The following CALN1 variants were observed in gnomAD, a reference collection of about 807,000 sequenced individuals.
CALN1 encodes calneuron 1.
CALN1 carries 17 observed loss-of-function variants against 30.6 expected under a neutral mutation model. The observed-to-expected ratio is 0.56, with a 90% CI of 0.38 to 0.83. The LOEUF (loss-of-function observed/expected upper bound fraction) is 0.83. Ranked by LOEUF, CALN1 falls within the 40% of genes least tolerant of loss-of-function variation. CALN1 has a pLI of 0.00. For missense variants in CALN1, 291 were observed against 354.9 expected, an observed-to-expected ratio of 0.82 and a Z score of 1.45; for synonymous variants, 156 against 131.4, an observed-to-expected ratio of 1.19 and a Z score of -1.28.
intron 5 of CALN1, among the ~76,000 whole-genome samples, chr7:71,954,055 G>A (rs750596974): frequency 7.2e-5 from 11 of 152,214 alleles, no homozygotes; most frequent in Non-Finnish European, 1.5e-4. Context: ...TGGGCACAGT[G>A]GCCCACGCCT....
chr7:72,364,143 G>A (rs1303546437), intron 2 of CALN1, among the ~76,000 whole-genome samples: 1 of 151,786 alleles, frequency 6.6e-6, no homozygotes. Context: ...TTGAACAAAA[G>A]AAAACTTCAG....
chr7:72,208,752 A>T (rs1792081450), intron 3 of CALN1, among the ~76,000 whole-genome samples: 1 of 152,214 alleles, frequency 6.6e-6, no homozygotes, highest in African/African-American at 2.4e-5. Flanking sequence ...AATGTCACAA[A>T]TGTAATGTTG....
At chr7:72,332,932 C>T (rs941346822) in intron 2 of CALN1, among the ~76,000 whole-genome samples, 2 of 152,130 alleles carry the variant, frequency 1.3e-5, no homozygotes, top group Non-Finnish European at 2.9e-5. Flanking sequence ...ACGAAGTCTC[C>T]AGCCACAACT....
chr7:72,248,114 T>A (rs1272777885), intron 3 of CALN1, among the ~76,000 whole-genome samples: 1 of 152,180 alleles, frequency 6.6e-6, no homozygotes, highest in Non-Finnish European at 1.5e-5. Flanking sequence ...GGATAATCTA[T>A]TTGCCTTTTT....
At chr7:71,971,930 C>CAAAAAAA (rs764756514) in intron 5 of CALN1, among the ~76,000 whole-genome samples, 3 of 38,552 alleles carry the variant, frequency 7.8e-5, no homozygotes, top group Admixed American at 4.0e-4. Context: ...GACCCTGTCT[C>CAAAAAAA]AAAAAAAAAA....
At chr7:72,292,014 AAG>A (rs1412690833) in intron 2 of CALN1, among the ~76,000 whole-genome samples, 1 of 151,622 alleles carries the variant, frequency 6.6e-6, no homozygotes, top group Non-Finnish European at 1.5e-5. Context: ...AAAAAAAAAA[AAG>A]AATTTCAACA....
At chr7:72,047,370 G>A (rs1802536571) in intron 4 of CALN1, among the ~76,000 whole-genome samples, 1 of 152,058 alleles carries the variant, frequency 6.6e-6, no homozygotes, top group South Asian at 2.1e-4. Context: ...AGATCGAGGT[G>A]AGAGGCTGGG....
At chr7:72,307,211 G>A (rs1182822204) in intron 2 of CALN1, among the ~76,000 whole-genome samples, 1 of 152,094 alleles carries the variant, frequency 6.6e-6, no homozygotes. Flanking sequence ...GCTTCATTTT[G>A]GCCAATTAAC....
chr7:72,287,164 G>A (rs1206609489), intron 2 of CALN1, among the ~76,000 whole-genome samples: 1 of 152,012 alleles, frequency 6.6e-6, no homozygotes, highest in African/African-American at 2.4e-5. Flanking sequence ...ATTTTTTAAA[G>A]AAATAACATA....
At chr7:72,219,490 A>G (rs993453510) in intron 3 of CALN1, among the ~76,000 whole-genome samples, 5 of 152,122 alleles carry the variant, frequency 3.3e-5, no homozygotes, top group East Asian at 3.9e-4. Context: ...CCAGCCTCTC[A>G]AAGTGCTGGC....
intron 3 of CALN1, among the ~76,000 whole-genome samples, chr7:72,124,855 C>T (rs1808632018): frequency 6.6e-6 from 1 of 151,814 alleles, no homozygotes; most frequent in Non-Finnish European, 1.5e-5. Flanking sequence ...GAATGTCCCA[C>T]CAGAGCAATG....
intron 2 of CALN1, among the ~76,000 whole-genome samples, chr7:72,281,060 C>T (rs1339933101): frequency 1.3e-5 from 2 of 151,954 alleles, no homozygotes; most frequent in Non-Finnish European, 2.9e-5. Context: ...AGAAGAATTG[C>T]TTGAACCCAG....
chr7:72,191,627 T>C (rs1164778286), intron 3 of CALN1, among the ~76,000 whole-genome samples: 1 of 140,462 alleles, frequency 7.1e-6, no homozygotes, highest in African/African-American at 2.7e-5. Context: ...GAACATGGAA[T>C]GGAGGAAAGC....
At chr7:72,317,639 C>T (rs1800575877) in intron 2 of CALN1, among the ~76,000 whole-genome samples, 1 of 152,014 alleles carries the variant, frequency 6.6e-6, no homozygotes, top group Non-Finnish European at 1.5e-5. Context: ...CTGTGTGGCA[C>T]CTGGACAGAC....
At chr7:72,407,490 G>A (rs1806782977) in intron 1 of CALN1, among the ~76,000 whole-genome samples, 1 of 152,138 alleles carries the variant, frequency 6.6e-6, no homozygotes, top group Non-Finnish European at 1.5e-5. Flanking sequence ...ATGAGATCTG[G>A]TTGTTGCAAG....
chr7:72,231,831 G>GT (rs1170069505), intron 3 of CALN1, among the ~76,000 whole-genome samples: 1 of 152,130 alleles, frequency 6.6e-6, no homozygotes, highest in Non-Finnish European at 1.5e-5. Flanking sequence ...GGCTGTCAGG[G>GT]TAAGAGTAGA....
chr7:71,805,775 A>G (rs1177625310), intron 6 of CALN1, among the ~76,000 whole-genome samples: 1 of 152,166 alleles, frequency 6.6e-6, no homozygotes, highest in Non-Finnish European at 1.5e-5. Flanking sequence ...TCCTTTGGGA[A>G]TATACCTAGC....
intron 5 of CALN1, among the ~76,000 whole-genome samples, chr7:71,837,939 G>T (rs937004710): frequency 2.2e-4 from 33 of 151,758 alleles, no homozygotes; most frequent in African/African-American, 7.8e-4. Flanking sequence ...GGAGGGGGGT[G>T]GGAGAAGTAC....
intron 2 of CALN1, among the ~76,000 whole-genome samples, chr7:72,362,778 G>A (rs570119733): frequency 3.5e-4 from 53 of 152,116 alleles, no homozygotes; most frequent in African/African-American, 1.2e-3. Flanking sequence ...GGAAGAAATC[G>A]TACTCATCCT....
Sources: gnomAD v4.1 joint callset for allele counts (sites outside exome capture counted in the v4.1 genomes callset) on GRCh38, gnomAD v4.1.1 for gene constraint, MANE v1.5 for transcripts, NCBI Gene and HGNC (gene_info 2026-07-23, HGNC 2026-07-21) for gene names.